The following CLCA4 variants were observed in gnomAD, a reference collection of about 807,000 sequenced individuals.
The protein encoded by CLCA4 is chloride channel accessory 4.
CLCA4 carries 69 observed loss-of-function variants against 78.9 expected under a neutral mutation model. The ratio of observed to expected loss-of-function variants is 0.87; its 90% confidence interval spans 0.72 to 1.07. CLCA4 has a LOEUF of 1.07. CLCA4 is among the 50% of genes least tolerant of loss of function. CLCA4 has a pLI of 0.00. For synonymous variants in CLCA4, 362 were observed against 375.8 expected, an observed-to-expected ratio of 0.96 and a Z score of 0.42; for missense variants, 1,133 against 1,095.8, an observed-to-expected ratio of 1.03 and a Z score of -0.48.
chr1:86,560,055 C>T lies in CLCA4; in HGVS notation c.283C>T (p.His95Tyr). Residue 95 changes from histidine (H) to tyrosine (Y), a missense_variant, in exon 2 of 14, where the codon CAT (histidine) becomes TAT (tyrosine). Coordinates refer to ENST00000370563, the MANE Select transcript of CLCA4 (RefSeq NM_012128.4). ...KENPQYKRPKHENHKHADVIV... is the reference protein window; with the variant it reads ...KENPQYKRPKYENHKHADVIV... ...AAATCCTCAGTACAAAAGGCCAAAA[C>T]ATGAAAACCATAAACATGTAAGTGT... 1 of 1,594,526 alleles carries T rather than the reference C, an allele frequency of 6.3e-7. No homozygotes were observed. Among genetic ancestry groups the T allele is most frequent in the Non-Finnish European group, 8.5e-7 (1 of 1,174,602 alleles).
intron 1 of CLCA4, among the ~76,000 whole-genome samples, chr1:86,557,495 T>C (rs1649886781): frequency 6.6e-6 from 1 of 152,212 alleles, no homozygotes; most frequent in Non-Finnish European, 1.5e-5. Context: ...GGGAGCATGT[T>C]GTTTAATTTC....
chr1:86,565,848 G>A lies in CLCA4; in HGVS notation c.782G>A (p.Ser261Asn). The change falls in exon 6 of 14, where the codon AGC becomes AAC. Residue 261 changes from serine (S) to asparagine (N), a missense_variant. Physicochemically the swap from Ser to Asn is conservative, Grantham distance 46. Coordinates refer to ENST00000370563, the MANE Select transcript of CLCA4 (RefSeq NM_012128.4). ...NEKTHNQEAP[S>N]LQNIKCNFRS... is the part of the protein sequence containing the mutation. Reference sequence around the variant, plus strand: ...AAAACCCATAATCAAGAAGCTCCAAGCCTACAAAACATAAAGTGCAATTTT... The same window carrying A: ...AAAACCCATAATCAAGAAGCTCCAAACCTACAAAACATAAAGTGCAATTTT... The A allele has an allele frequency of 6.3e-7, 1 of 1,595,418 alleles. No homozygotes were observed. The highest frequency in any genetic ancestry group is 1.1e-5 in the South Asian group (1 of 87,916).
At position 86,575,435 on chromosome 1, in the gene CLCA4, T is replaced by C. The variant is rs750034274; in HGVS notation, c.1787T>C (p.Val596Ala). Residue 596 changes from valine to alanine, a missense_variant, in exon 11 of 14, where the codon GTG becomes GCG. Val to Ala is a moderately conservative substitution (Grantham distance 64, BLOSUM62 0). Transcript: ENST00000370563. ...AANSSVPPIT[V>A]NAKMNKDVNS... ...AATTCTTCTGTGCCTCCAATCACAG[T>C]GAATGCTAAAATGAATAAGGACGTA... is the stretch of plus-strand genomic sequence containing the variant. The C allele has an allele frequency of 4.3e-6, 7 of 1,613,344 alleles. No individual in the cohort carries two copies. The highest frequency in any genetic ancestry group is 5.9e-6 in the Non-Finnish European group (7 of 1,179,614).
intron 1 of CLCA4, among the ~76,000 whole-genome samples, chr1:86,551,226 TTA>T (rs1439645123): frequency 6.6e-6 from 1 of 152,228 alleles, no homozygotes; most frequent in African/African-American, 2.4e-5. Flanking sequence ...TATTCGTTCA[TTA>T]TGTTATTTTT....
intron 13 of CLCA4, 130 bp downstream of exon 13, chr1:86,579,717 G>A (rs552440634): frequency 5.3e-6 from 4 of 751,016 alleles, no homozygotes; most frequent in Non-Finnish European, 8.6e-6. Context: ...TTTATAATCT[G>A]ATATTTTTTA....
intron 11 of CLCA4, among the ~76,000 whole-genome samples, 192 bp from the exon 12 acceptor site, chr1:86,577,710 T>C (rs1650560670): frequency 6.6e-6 from 1 of 152,062 alleles, no homozygotes; most frequent in Non-Finnish European, 1.5e-5. Flanking sequence ...AAATAATAGA[T>C]ATCGAAATAG....
chr1:86,547,388 G>A (rs775593398), intron 1 of CLCA4, 110 bp downstream of exon 1: 20 of 797,212 alleles, frequency 2.5e-5, no homozygotes, highest in Non-Finnish European at 3.3e-5. Context: ...TTCTATACAT[G>A]TATACAATTT....
intron 7 of CLCA4, among the ~76,000 whole-genome samples, chr1:86,570,805 T>A (rs550780194): frequency 6.6e-6 from 1 of 152,188 alleles, no homozygotes; most frequent in East Asian, 1.9e-4. Context: ...CAGGTTGAGA[T>A]GTTATTGTCA....
chr1:86,555,097 C>A (rs1649796517), intron 1 of CLCA4, among the ~76,000 whole-genome samples: 1 of 152,080 alleles, frequency 6.6e-6, no homozygotes, highest in Non-Finnish European at 1.5e-5. Flanking sequence ...CTTTTAAATG[C>A]TGGATATTAG....
intron 13 of CLCA4, 44 bp from the exon 14 acceptor site, chr1:86,579,898 G>C: frequency 4.1e-6 from 5 of 1,220,104 alleles, no homozygotes; most frequent in Non-Finnish European, 5.8e-6. Flanking sequence ...GAATGAATAT[G>C]CTATGCTGCA....
At chr1:86,553,987 T>C (rs1433761732) in intron 1 of CLCA4, among the ~76,000 whole-genome samples, 5 of 152,198 alleles carry the variant, frequency 3.3e-5, no homozygotes, top group Non-Finnish European at 7.3e-5. Context: ...TCTTTTCTTT[T>C]CTTTTTTAAC....
chr1:86,578,505 T>C (rs550905861), intron 12 of CLCA4, among the ~76,000 whole-genome samples: 83 of 152,144 alleles, frequency 5.5e-4, no homozygotes, highest in Non-Finnish European at 1.1e-3. Context: ...CCTCTTTGTG[T>C]CCATGAATTC....
chr1:86,580,383 A>G lies in CLCA4; in HGVS notation c.*38A>G. The G allele has an allele frequency of 6.8e-7, 1 of 1,467,118 alleles. No individual in the cohort carries two copies. The allele number at this position is 1,467,118 out of a possible 1,614,324, so 90.9% of individuals were successfully genotyped here. On this transcript the variant is annotated 3_prime_UTR_variant, in exon 14 of 14. Transcript: ENST00000370563. ...AAAAAAATCTTCAAGTAGACCTAGA[A>G]GAGAGTTTTAAAAAACAAAACAATG...
rs1650687617 is a variant in CLCA4, at chr1:86,580,505, A to C, written c.*160A>C. The C allele has an allele frequency of 2.1e-6, 1 of 481,016 alleles. No homozygotes were observed. Among genetic ancestry groups the C allele is most frequent in the Admixed American group, 3.9e-5 (1 of 25,476 alleles). The allele number at this position is 481,016 out of a possible 1,614,324, so 29.8% of individuals were successfully genotyped here. A position where few individuals can be genotyped will look rare whatever the true frequency, so the allele number is the denominator to read the frequency against. ...GATGTCGGAAAAGGATACTTTGATT[A>C]AATAAAAACACTCATGGATATGTAA... On this transcript the variant is annotated 3_prime_UTR_variant, in exon 14 of 14. Transcript: ENST00000370563.
rs146427923 is a variant in CLCA4, at chr1:86,579,730, C to G, written c.2356+143C>G. On this transcript the variant is annotated intron_variant, in intron 13 of 13. Transcript: ENST00000370563. ...ATTTTATAATCTGATATTTTTTAAT[C>G]AATCAAATGACACATTTTAACGTGG... The G allele has an allele frequency of 3.0e-4, 221 of 732,414 alleles. No homozygotes were observed. In the African/African-American group the frequency reaches 3.0e-3, roughly 10 times the overall value. 45.4% of individuals were successfully genotyped at this position (732,414 alleles called of 1,614,324 possible).
At chr1:86,569,048 A>C (rs1041626809) in intron 7 of CLCA4, among the ~76,000 whole-genome samples, 1 of 152,090 alleles carries the variant, frequency 6.6e-6, no homozygotes, top group African/African-American at 2.4e-5. Flanking sequence ...CAAAATATGA[A>C]CATGCTTTAA....
At chr1:86,559,900 C>T (rs1649961287) in intron 1 of CLCA4, 32 bp from the exon 2 acceptor site, 2 of 1,557,080 alleles carry the variant, frequency 1.3e-6, no homozygotes, top group African/African-American at 1.4e-5. Flanking sequence ...TCTAACTTCA[C>T]CATCCTCACA....
At chr1:86,572,747 C>A in intron 9 of CLCA4, 27 bp downstream of exon 9, 1 of 1,314,730 alleles carries the variant, frequency 7.6e-7, no homozygotes, top group Non-Finnish European at 1.1e-6. Flanking sequence ...CTTGGGTTTT[C>A]ATGTTCACTT....
At chr1:86,561,268 C>A (rs1650009004) in intron 3 of CLCA4, among the ~76,000 whole-genome samples, 1 of 152,168 alleles carries the variant, frequency 6.6e-6, no homozygotes, top group African/African-American at 2.4e-5. Flanking sequence ...TTTAGTTATA[C>A]TTTCTTTTCA....
Sources: allele counts gnomAD v4.1 joint callset (sites outside exome capture counted in the v4.1 genomes callset), GRCh38; gene constraint gnomAD v4.1.1; transcripts MANE v1.5; gene names NCBI Gene and HGNC (gene_info 2026-07-23, HGNC 2026-07-21).